Variants in PDE12 observed in about 807,000 individuals in gnomAD.
PDE12 encodes the protein 2',5'-phosphodiesterase 12.
In PDE12, 26 loss-of-function variants were observed where a neutral mutation model predicts 45.4. The observed-to-expected ratio is 0.57, with a 90% confidence interval of 0.42 to 0.79. The LOEUF is 0.79. Among genes scored for constraint, PDE12 ranks in the 30% least tolerant of loss-of-function variants. PDE12 has a pLI of 0.00. For synonymous variants in PDE12, 283 were observed against 323.9 expected (o/e 0.87, Z 1.36); for missense variants, 668 against 790.0 (o/e 0.85, Z 1.85).
the PDE12 span, among the ~76,000 whole-genome samples, chr3:57,642,762 T>TCG: frequency 3.3e-5 from 5 of 151,882 alleles, no homozygotes; most frequent in African/African-American, 7.3e-5. Flanking sequence ...CCCAGCCCTT[T>TCG]GGGAAGGCCG....
At chr3:57,582,567 A>G in the PDE12 span, among the ~76,000 whole-genome samples, 4 of 152,172 alleles carry the variant, frequency 2.6e-5, no homozygotes, top group Non-Finnish European at 4.4e-5. Context: ...TAAATAAAAA[A>G]GTATACCACT....
the PDE12 span, among the ~76,000 whole-genome samples, chr3:57,604,413 A>G: frequency 6.6e-6 from 1 of 152,002 alleles, no homozygotes; most frequent in Non-Finnish European, 1.5e-5. Flanking sequence ...ATGTATCTAT[A>G]TGGTTCTCAA....
chr3:57,594,600 T>C, the PDE12 span, among the ~76,000 whole-genome samples: 2,043 of 152,346 alleles, frequency 0.013, 50 homozygotes, highest in African/African-American at 0.046. Context: ...GGTGTACGAA[T>C]TAAATTTAAA....
At chr3:57,602,421 C>T in the PDE12 span, among the ~76,000 whole-genome samples, 2 of 152,298 alleles carry the variant, frequency 1.3e-5, no homozygotes, top group South Asian at 2.1e-4. Flanking sequence ...TACAGAGAGT[C>T]TTGTCCACCC....
At chr3:57,567,851 G>C (rs906614541), downstream of PDE12, among the ~76,000 whole-genome samples, 1 of 151,990 alleles carries the variant, frequency 6.6e-6, no homozygotes, top group African/African-American at 2.4e-5. Flanking sequence ...AATCCCACCT[G>C]AGGTCAGGAA....
the PDE12 span, among the ~76,000 whole-genome samples, chr3:57,603,108 A>G: frequency 6.6e-6 from 1 of 151,790 alleles, no homozygotes; most frequent in African/African-American, 2.4e-5. Context: ...CGGAGGTTGC[A>G]GTGAGCCAAG....
downstream of PDE12, among the ~76,000 whole-genome samples, chr3:57,569,934 A>G (rs953888285): frequency 5.3e-5 from 8 of 151,996 alleles, no homozygotes; most frequent in Non-Finnish European, 1.0e-4. Flanking sequence ...CAGTCCATGT[A>G]AACACCTTTG....
chr3:57,626,147 CAAAT>C, the PDE12 span: 1 of 152,566 alleles, frequency 6.6e-6, no homozygotes. Flanking sequence ...CGATTTCTTT[CAAAT>C]GCCATATTCT....
the PDE12 span, chr3:57,583,808 C>T: frequency 1.1e-6 from 1 of 885,974 alleles, no homozygotes; most frequent in East Asian, 2.5e-5. Context: ...ATAGTAAACA[C>T]CAATATCCAA....
the PDE12 span, among the ~76,000 whole-genome samples, chr3:57,639,345 C>G: frequency 1.6e-3 from 243 of 152,298 alleles, no homozygotes; most frequent in Non-Finnish European, 2.2e-3. Flanking sequence ...CTTTGGCAAA[C>G]AGTTTGGTGA....
chr3:57,655,373 T>G, the PDE12 span, among the ~76,000 whole-genome samples: 1 of 152,300 alleles, frequency 6.6e-6, no homozygotes, highest in African/African-American at 2.4e-5. Flanking sequence ...CTTGCCCCAC[T>G]CTTAAAACAA....
Position 57,559,924 on chromosome 3 carries a change from GT to G in PDE12, c.1752del (p.Thr585ProfsTer16). On this transcript the variant is annotated frameshift_variant, in exon 3 of 3. Coordinates refer to ENST00000311180, the MANE Select transcript of PDE12 (RefSeq NM_177966.7). LOFTEE classifies it high-confidence loss of function. ...GATTCCATTACCTAGTCATGAAGAA[GT>G]TACCACCCACCAGGCCTTACCTAGT... ...QVIPLPSHEE[V>X]TTHQALPSVS... is the part of the protein sequence containing the mutation. 1 of 1,613,854 alleles carries G rather than the reference GT, an allele frequency of 6.2e-7. No individual in the cohort carries two copies. Among genetic ancestry groups the G allele is most frequent in the Non-Finnish European group, 8.5e-7 (1 of 1,180,014 alleles).
At chr3:57,595,698 C>A in the PDE12 span, among the ~76,000 whole-genome samples, 1 of 152,142 alleles carries the variant, frequency 6.6e-6, no homozygotes, top group Admixed American at 6.5e-5. Flanking sequence ...CCTGTAATCC[C>A]AGCACTCTGG....
the PDE12 span, among the ~76,000 whole-genome samples, chr3:57,574,975 G>C: frequency 4.6e-5 from 7 of 151,992 alleles, no homozygotes; most frequent in African/African-American, 1.7e-4. Flanking sequence ...CAGCCTTCCT[G>C]AGTAGCTGGG....
At chr3:57,648,301 A>G in the PDE12 span, among the ~76,000 whole-genome samples, 1 of 152,342 alleles carries the variant, frequency 6.6e-6, no homozygotes, top group African/African-American at 2.4e-5. Context: ...CAAGGAGGTG[A>G]AAGACCTCTA....
the PDE12 span, among the ~76,000 whole-genome samples, chr3:57,579,809 A>C: frequency 6.6e-6 from 1 of 152,158 alleles, no homozygotes; most frequent in African/African-American, 2.4e-5. Flanking sequence ...TAAATATCCT[A>C]TCCTTTGAGA....
the PDE12 span, among the ~76,000 whole-genome samples, chr3:57,632,953 C>T: frequency 6.6e-6 from 1 of 152,086 alleles, no homozygotes; most frequent in Non-Finnish European, 1.5e-5. Context: ...GTAGTAACTA[C>T]ATAACATTTC....
Position 57,556,276 on chromosome 3 carries a change from G to C in PDE12, c.-104G>C. 8.1e-7 allele frequency: 1 copy of C among 1,234,582 alleles called. No homozygotes were observed. Among genetic ancestry groups the C allele is most frequent in the Non-Finnish European group, 1.1e-6 (1 of 914,496 alleles). The allele number at this position is 1,234,582 out of a possible 1,614,324, so 76.5% of individuals were successfully genotyped here. The stretch of plus-strand genomic sequence containing the variant: ...CCTCTCTTCGCTAGCCGGAAGTCGC[G>C]AGATCTGAATGAGTCAAAGCCGGCG... On this transcript the variant is annotated 5_prime_UTR_variant, in exon 1 of 3. Coordinates refer to ENST00000311180, the MANE Select transcript of PDE12 (RefSeq NM_177966.7). This position sits in a 1 kb window ranked among gnomAD's most constrained non-coding sequence, Gnocchi z 5.0.
the PDE12 span, among the ~76,000 whole-genome samples, chr3:57,592,929 G>T: frequency 1.2e-4 from 18 of 152,152 alleles, no homozygotes; most frequent in African/African-American, 4.3e-4. Flanking sequence ...CGTGTACCAG[G>T]TGTGGTGGCT....
Sources: allele counts gnomAD v4.1 joint callset (sites outside exome capture counted in the v4.1 genomes callset), GRCh38; gene constraint gnomAD v4.1.1; non-coding constraint Gnocchi (gnomAD v3.1); transcripts MANE v1.5; gene names NCBI Gene and HGNC (gene_info 2026-07-23, HGNC 2026-07-21).